TRPS1: variants seen among roughly 807,000 people sequenced by gnomAD.
TRPS1 encodes zinc finger transcription factor Trps1.
A neutral mutation model predicts 101.2 loss-of-function variants in TRPS1; 6 were observed. That is an observed-to-expected ratio of 0.06 (90% CI 0.03 to 0.12). TRPS1 has a LOEUF of 0.12. Ranked by LOEUF, TRPS1 falls within the 10% of genes least tolerant of loss-of-function variation. TRPS1 has a pLI of 1.00. For missense variants in TRPS1, 1,363 were observed against 1,567.0 expected, an observed-to-expected ratio of 0.87 and a Z score of 2.20; for synonymous variants, 578 against 589.8, an observed-to-expected ratio of 0.98 and a Z score of 0.29.
Position 115,453,601 on chromosome 8 carries a change from A to G in TRPS1, c.2701-35149T>C, listed in dbSNP as rs115186867. ...AAAACAAGCTCAAAATGTGAAACAC[A>G]TTGTTGTCTTGACATCCTGGGAAAG... On this transcript the variant is annotated intron_variant, in intron 5 of 6. Coordinates refer to ENST00000395715, the MANE Select transcript of TRPS1 (RefSeq NM_014112.5). 1.1e-3 allele frequency among the ~76,000 whole-genome samples: 167 copies of G among 152,336 alleles called. 1 individual carries two copies. The highest frequency in any genetic ancestry group is 3.9e-3 in the African/African-American group (162 of 41,574).
chr8:115,649,672 C>T (rs1372909984), intron 1 of TRPS1, among the ~76,000 whole-genome samples: 2 of 152,230 alleles, frequency 1.3e-5, no homozygotes, highest in Non-Finnish European at 2.9e-5. Flanking sequence ...GTAATCAGTG[C>T]TTAGCTGCGC....
intron 5 of TRPS1, among the ~76,000 whole-genome samples, chr8:115,558,759 A>G (rs538980691): frequency 1.6e-4 from 24 of 152,272 alleles, no homozygotes; most frequent in African/African-American, 5.8e-4. Context: ...ACGCTTTTGG[A>G]GTTATCAAAT....
intron 1 of TRPS1, among the ~76,000 whole-genome samples, chr8:115,635,797 T>C (rs1269696247): frequency 6.6e-6 from 1 of 152,152 alleles, no homozygotes; most frequent in African/African-American, 2.4e-5. Flanking sequence ...TCAGTGGTAT[T>C]AGCAATTTCT....
At chr8:115,437,624 T>C in intron 5 of TRPS1, among the ~76,000 whole-genome samples, 1 of 152,216 alleles carries the variant, frequency 6.6e-6, no homozygotes, top group East Asian at 1.9e-4. Flanking sequence ...CATCCTTGTC[T>C]TCTAGAAAGG....
intron 5 of TRPS1, among the ~76,000 whole-genome samples, chr8:115,562,232 G>A (rs756549631): frequency 3.3e-5 from 5 of 151,982 alleles, no homozygotes; most frequent in East Asian, 3.9e-4. Flanking sequence ...CCATTTAAAC[G>A]TACTTATATC....
rs147577571 is a variant in TRPS1 at position 115,619,458 on chromosome 8, T to G, written c.640A>C (p.Lys214Gln). ...TTGTCATTCACCAGTAAGTCAGTTT[T>G]GGATTTATTCAGTCTTACACCCCCA... is the stretch of plus-strand genomic sequence containing the variant. ...SDGGVRLNKS[K>Q]TDLLVNDNPD... The change falls in exon 3 of 7, where the codon AAA becomes CAA. Residue 214 changes from lysine (K) to glutamine (Q), a missense_variant. This residue lies in a region of TRPS1 where 1,020 missense variants were observed against 1,073.0 expected (regional missense o/e 0.95). Transcript: ENST00000395715. 2.5e-6 allele frequency: 4 copies of G among 1,614,202 alleles called. No individual in the cohort carries two copies. The highest frequency in any genetic ancestry group is 4.5e-5 in the East Asian group (2 of 44,878).
intron 5 of TRPS1, among the ~76,000 whole-genome samples, chr8:115,530,910 T>A (rs1159220684): frequency 6.6e-6 from 1 of 151,564 alleles, no homozygotes. Flanking sequence ...AAGGGGAACA[T>A]CACACACCAG....
intron 5 of TRPS1, among the ~76,000 whole-genome samples, chr8:115,482,810 T>C (rs1367100935): frequency 2.0e-5 from 3 of 152,178 alleles, no homozygotes; most frequent in Admixed American, 1.3e-4. Context: ...CCATATCCTG[T>C]GGGCATTTTA....
intron 5 of TRPS1, among the ~76,000 whole-genome samples, chr8:115,493,629 G>T (rs1002581812): frequency 1.3e-5 from 2 of 152,062 alleles, no homozygotes; most frequent in African/African-American, 4.8e-5. Flanking sequence ...GATTACAGAC[G>T]TGAGCCACCA....
chr8:115,420,031 A>G (rs1450707304), intron 5 of TRPS1, among the ~76,000 whole-genome samples: 2 of 152,214 alleles, frequency 1.3e-5, no homozygotes, highest in African/African-American at 4.8e-5. Context: ...GCACAAAGTC[A>G]GGCTAACAAT....
intron 5 of TRPS1, among the ~76,000 whole-genome samples, chr8:115,457,711 C>T (rs926727934): frequency 4.6e-5 from 7 of 152,160 alleles, no homozygotes; most frequent in Non-Finnish European, 1.5e-5. Context: ...AAATCCTAAA[C>T]GACCACTAAC....
At chr8:115,415,199 C>G (rs1812889818) in intron 6 of TRPS1, 115 bp from the exon 7 acceptor site, 1 of 1,125,456 alleles carries the variant, frequency 8.9e-7, no homozygotes, top group Non-Finnish European at 1.2e-6. Flanking sequence ...GATAGGCTTT[C>G]TGCTGTAGAT....
intron 5 of TRPS1, among the ~76,000 whole-genome samples, chr8:115,557,479 T>C (rs762412590): frequency 2.7e-4 from 41 of 152,232 alleles, no homozygotes; most frequent in Admixed American, 7.9e-4. Flanking sequence ...TGGGAAGTAA[T>C]TGAATCATGG....
Position 115,590,975 on chromosome 8 carries a change from A to G in TRPS1, c.2097-3371T>C, listed in dbSNP as rs545419135. ...TTAACCATGACCAAAAAAAAAAAAC[A>G]TTTTTAAAACCAAGCTTATGTCCTA... On this transcript the variant is annotated intron_variant, in intron 4 of 6. Coordinates refer to ENST00000395715, the MANE Select transcript of TRPS1 (RefSeq NM_014112.5). 5.9e-5 allele frequency among the ~76,000 whole-genome samples: 9 copies of G among 152,102 alleles called. No homozygotes were observed. The South Asian group carries it at 1.9e-3, about 32-fold the overall frequency.
chr8:115,416,719 TACAA>T (rs1217895666), intron 6 of TRPS1, among the ~76,000 whole-genome samples: 39 of 152,028 alleles, frequency 2.6e-4, no homozygotes, highest in African/African-American at 9.4e-4. Flanking sequence ...TTTCTGTTGT[TACAA>T]ACATACTTCC....
intron 5 of TRPS1, among the ~76,000 whole-genome samples, chr8:115,556,944 G>C (rs1234101659): frequency 6.6e-6 from 1 of 152,126 alleles, no homozygotes; most frequent in East Asian, 1.9e-4. Context: ...TCATGCTGCT[G>C]ATAAAGACAT....
chr8:115,604,503 G>A lies in TRPS1; in HGVS notation c.1466C>T (p.Ser489Phe). ...GLNPELNDKLSRGSVINQNDL... is the reference protein window; with the variant it reads ...GLNPELNDKLFRGSVINQNDL... ...ATTCTGATTAATGACAGAGCCCCTGGAAAGCTTATCATTTAACTCTGGATT... is the reference window on the plus strand; with the variant it reads ...ATTCTGATTAATGACAGAGCCCCTGAAAAGCTTATCATTTAACTCTGGATT... Residue 489 changes from serine (S) to phenylalanine (F), a missense_variant, in exon 4 of 7, where the codon TCC (serine) becomes TTC (phenylalanine). By Grantham distance (155) the Ser-to-Phe change is radical. Coordinates refer to ENST00000395715, the MANE Select transcript of TRPS1 (RefSeq NM_014112.5). This position sits in a 1 kb window ranked among gnomAD's most constrained non-coding sequence, Gnocchi z 4.1. 6.2e-7 allele frequency: 1 copy of A among 1,614,068 alleles called. No individual in the cohort carries two copies. Among genetic ancestry groups the A allele is most frequent in the Non-Finnish European group, 8.5e-7 (1 of 1,179,996 alleles).
rs150780163 is a variant in TRPS1 at position 115,642,493 on chromosome 8, T to G, written c.-121-18735A>C. 6.2e-4 allele frequency among the ~76,000 whole-genome samples: 94 copies of G among 152,172 alleles called. 2 individuals are homozygous for G. In the East Asian group the frequency reaches 0.015, roughly 24 times the overall value. On this transcript the variant is annotated intron_variant, in intron 1 of 6. Coordinates refer to ENST00000395715, the MANE Select transcript of TRPS1 (RefSeq NM_014112.5). The stretch of plus-strand genomic sequence containing the variant: ...AGAACTTCTTCCATTATTTAAAAAC[T>G]TACATAACCAAAAGAGTAATTCTAA...
At chr8:115,553,971 T>C (rs1361804877) in intron 5 of TRPS1, among the ~76,000 whole-genome samples, 1 of 152,214 alleles carries the variant, frequency 6.6e-6, no homozygotes, top group Non-Finnish European at 1.5e-5. Flanking sequence ...TCCAAATTTA[T>C]AGTCTTTATT....
Sources: gnomAD v4.1 joint callset for allele counts (sites outside exome capture counted in the v4.1 genomes callset) on GRCh38, gnomAD v4.1.1 for gene constraint, gnomAD v4.1.1 regional missense constraint, Gnocchi (gnomAD v3.1) non-coding constraint, MANE v1.5 for transcripts, NCBI Gene and HGNC (gene_info 2026-07-23, HGNC 2026-07-21) for gene names.